Variants in CCDC57 observed in about 807,000 individuals in gnomAD.
CCDC57 encodes the protein coiled-coil domain containing 57, also known as coiled-coil domain-containing protein 57.
Under a neutral mutation model 118.9 loss-of-function variants are expected in CCDC57, and 118 were observed. The observed-to-expected ratio is 0.99, with a 90% CI of 0.86 to 1.16. CCDC57 has a LOEUF of 1.16. Ranked by LOEUF, CCDC57 falls within the 50% of genes most tolerant of loss-of-function variation. The pLI is 0.00. For missense variants in CCDC57, 1,300 were observed against 1,320.7 expected (o/e 0.98, Z 0.24); for synonymous variants, 527 against 532.9 (o/e 0.99, Z 0.15).
At chr17:82,194,320 T>TTC in intron 5 of CCDC57, 181 bp from the exon 5 acceptor site, 1 of 642,206 alleles carries the variant, frequency 1.6e-6, no homozygotes, top group Non-Finnish European at 2.5e-6. Context: ...TTTTTTTTTT[T>TTC]TCTTTTTGGA....
chr17:82,105,412 C>T (rs1481612981), intron 19 of CCDC57, among the ~76,000 whole-genome samples: 1 of 152,178 alleles, frequency 6.6e-6, no homozygotes, highest in African/African-American at 2.4e-5. Flanking sequence ...CTTTTCCCAC[C>T]ACTGTCAGCA....
rs546635126 is a variant in CCDC57 at position 82,178,855 on chromosome 17, G to A, written c.1374+172C>T. Among the ~76,000 whole-genome samples the A allele has an allele frequency of 1.4e-4, 21 of 152,364 alleles. No individual in the cohort carries two copies. In the South Asian group the frequency reaches 3.7e-3, roughly 27 times the overall value. On this transcript the variant is annotated intron_variant, in intron 10 of 19. Transcript: ENST00000665763. Reference sequence around the variant, plus strand: ...ACAGCTTATGCAAGAAAGTCAAGGCGGGTGGACAGGCGGGGTGCATTTTTA... The same window carrying A: ...ACAGCTTATGCAAGAAAGTCAAGGCAGGTGGACAGGCGGGGTGCATTTTTA...
At chr17:82,126,573 G>C (rs1451118702) in intron 19 of CCDC57, 1 of 985,194 alleles carries the variant, frequency 1.0e-6, no homozygotes, top group East Asian at 1.1e-4. Context: ...CCCAGCAGAG[G>C]CGCTGATGCC....
intron 16 of CCDC57, among the ~76,000 whole-genome samples, chr17:82,143,028 GT>G (rs1442206660): frequency 6.6e-6 from 1 of 152,086 alleles, no homozygotes; most frequent in Non-Finnish European, 1.5e-5. Context: ...GCCGGGCGTG[GT>G]GGCACATGCC....
At chr17:82,152,601 G>A (rs1367477848) in intron 15 of CCDC57, among the ~76,000 whole-genome samples, 1 of 152,260 alleles carries the variant, frequency 6.6e-6, no homozygotes, top group East Asian at 1.9e-4. Flanking sequence ...CAAAAATGGG[G>A]GCACAGGAAA....
At chr17:82,171,512 A>G (rs1308255154) in intron 13 of CCDC57, among the ~76,000 whole-genome samples, 189 bp downstream of exon 12, 4,450 of 78,792 alleles carry the variant, frequency 0.056, no homozygotes, top group Middle Eastern at 0.25. Flanking sequence ...AAAACAGGGA[A>G]CGCTGACTGC....
exon 20 of CCDC57, chr17:82,101,668 G>C (rs367831671): frequency 6.3e-7 from 1 of 1,589,696 alleles, no homozygotes; most frequent in Non-Finnish European, 8.6e-7. Flanking sequence ...GTGGGGCGGG[G>C]TGGGGGGAGG....
intron 19 of CCDC57, chr17:82,113,792 A>T (rs1598633877): frequency 9.3e-6 from 6 of 642,308 alleles, no homozygotes; most frequent in African/African-American, 5.4e-5. Context: ...TAACATGTAA[A>T]AAGATTAGCC....
chr17:82,108,428 C>T (rs1235381845), intron 19 of CCDC57, among the ~76,000 whole-genome samples: 1 of 152,178 alleles, frequency 6.6e-6, no homozygotes, highest in Non-Finnish European at 1.5e-5. Context: ...ATATTTATAG[C>T]AGGGTCCGCC....
intron 19 of CCDC57, among the ~76,000 whole-genome samples, chr17:82,111,156 C>T (rs1030955715): frequency 2.7e-5 from 4 of 150,356 alleles, no homozygotes; most frequent in East Asian, 4.0e-4. Flanking sequence ...AGTGCAGTGG[C>T]GCGATCTCGG....
intron 15 of CCDC57, among the ~76,000 whole-genome samples, chr17:82,152,825 T>C (rs879539014): frequency 1.2e-4 from 19 of 152,340 alleles, no homozygotes; most frequent in Non-Finnish European, 1.9e-4. Flanking sequence ...TGCTGTTCTT[T>C]GGATGGCCTG....
In CCDC57 at chr17:82,206,244, A is replaced by C. The variant is rs1475176939; in HGVS notation, c.-9+1603T>G. On this transcript the variant is annotated intron_variant, in intron 2 of 19. Transcript: ENST00000665763. ...TCACTTTGATTTTCTCATTTTAAAA[A>C]TACTGAGCTGAGCTAACGGTGATGT... 2.0e-5 allele frequency among the ~76,000 whole-genome samples: 3 copies of C among 152,258 alleles called. 1 individual carries two copies. The highest frequency in any genetic ancestry group is 2.0e-4 in the Admixed American group (3 of 15,286).
At chr17:82,157,481 G>A (rs774486604) in intron 15 of CCDC57, 49 of 1,404,562 alleles carry the variant, frequency 3.5e-5, no homozygotes, top group Non-Finnish European at 4.4e-5. Flanking sequence ...TTAGCTGAAG[G>A]GAGGACTGGG....
intron 2 of CCDC57, chr17:82,207,707 C>T (rs1165660043): frequency 6.6e-6 from 1 of 152,262 alleles, no homozygotes; most frequent in Non-Finnish European, 1.5e-5. Flanking sequence ...CGTTCTCCCG[C>T]ACAGCCGGCT....
chr17:82,195,290 G>C (rs1304706081), exon 5 of CCDC57: 1 of 1,600,620 alleles, frequency 6.2e-7, no homozygotes, highest in East Asian at 2.3e-5. Flanking sequence ...AGGCTGTGTT[G>C]CTCATGTTGT....
At chr17:82,206,256 G>A (rs1196912432) in intron 2 of CCDC57, among the ~76,000 whole-genome samples, 1 of 152,266 alleles carries the variant, frequency 6.6e-6, no homozygotes, top group Non-Finnish European at 1.5e-5. Flanking sequence ...ACTGAGCTGA[G>A]CTAACGGTGA....
chr17:82,179,114 GTCCAGGCCCAGCTGCACCTGATCACGC>G, exon 10 of CCDC57: 2 of 1,613,942 alleles, frequency 1.2e-6, no homozygotes, highest in Non-Finnish European at 1.7e-6. Flanking sequence ...GGCGCTGCCA[GTCCAGGCCCAGCTGCACCTGATCACGC>G]TCCAGGCTCC....
At chr17:82,205,412 T>C (rs2049502222) in intron 2 of CCDC57, among the ~76,000 whole-genome samples, 1 of 152,188 alleles carries the variant, frequency 6.6e-6, no homozygotes, top group Non-Finnish European at 1.5e-5. Flanking sequence ...TGGCCTCAAA[T>C]GTGCCCGCGA....
chr17:82,148,587 G>A (rs1394581383), intron 16 of CCDC57, among the ~76,000 whole-genome samples: 1 of 101,152 alleles, frequency 9.9e-6, no homozygotes. Context: ...ATGGGTGGGT[G>A]GATGGTAGAT....
Sources: allele counts gnomAD v4.1 joint callset (sites outside exome capture counted in the v4.1 genomes callset), GRCh38; gene constraint gnomAD v4.1.1; transcripts MANE v1.5; gene names NCBI Gene and HGNC (gene_info 2026-07-23, HGNC 2026-07-21).